ELK3: variants seen among roughly 807,000 people sequenced by gnomAD.
ELK3 encodes the protein ETS domain-containing protein Elk-3.
In ELK3, 10 loss-of-function variants were observed where a neutral mutation model predicts 28.9. The observed-to-expected ratio is 0.35, with a 90% CI of 0.21 to 0.59. The LOEUF is 0.59. Ranked by LOEUF, ELK3 falls within the 20% of genes least tolerant of loss-of-function variation. ELK3 has a pLI of 0.82. For synonymous variants in ELK3, 272 were observed against 243.5 expected (o/e 1.12, Z -1.09); for missense variants, 463 against 517.3 (o/e 0.90, Z 1.02).
chr12:96,247,720 T>G lies in ELK3; in HGVS notation c.988T>G (p.Phe330Val). 1.3e-6 allele frequency: 2 copies of G among 1,584,662 alleles called. No individual in the cohort carries two copies. Among genetic ancestry groups the G allele is most frequent in the Non-Finnish European group, 1.7e-6 (2 of 1,166,184 alleles). ...ALPSGSLTPAFFTAQTPNGLL... is the reference protein window; with the variant it reads ...ALPSGSLTPAVFTAQTPNGLL... ...CCCCTCGGGATCCCTCACCCCAGCC[T>G]TCTTCACCGCACAGGTAAGAGTCAT... is the stretch of plus-strand genomic sequence containing the variant. Residue 330 changes from phenylalanine to valine, a missense_variant, in exon 3 of 5, where the codon TTC becomes GTC. This residue lies in a region of ELK3 where 408 missense variants were observed against 414.8 expected (regional missense o/e 0.98). Coordinates refer to ENST00000228741, the MANE Select transcript of ELK3 (RefSeq NM_005230.4). This position sits in a 1 kb window ranked among gnomAD's most constrained non-coding sequence, Gnocchi z 5.5.
At chr12:96,224,521 T>G (rs1951686448) in intron 2 of ELK3, among the ~76,000 whole-genome samples, 1 of 152,252 alleles carries the variant, frequency 6.6e-6, no homozygotes, top group African/African-American at 2.4e-5. Flanking sequence ...CTTCCCTAAT[T>G]GGAAGAAAAA....
chr12:96,261,765 C>T (rs1203577613), intron 4 of ELK3, among the ~76,000 whole-genome samples: 2 of 152,106 alleles, frequency 1.3e-5, no homozygotes, highest in African/African-American at 4.8e-5. Context: ...TCTTAGATAC[C>T]TTTTCCAGCC....
intron 3 of ELK3, among the ~76,000 whole-genome samples, chr12:96,258,149 A>G (rs1006699142): frequency 6.6e-6 from 1 of 152,210 alleles, no homozygotes; most frequent in Non-Finnish European, 1.5e-5. Flanking sequence ...GCTGGGAAGT[A>G]GTGGTTCTGA....
chr12:96,218,002 C>CTTAA (rs1275810109), intron 1 of ELK3, among the ~76,000 whole-genome samples: 1 of 152,010 alleles, frequency 6.6e-6, no homozygotes, highest in African/African-American at 2.4e-5. Flanking sequence ...CCTCCTCCTC[C>CTTAA]TTTAAAGGAG....
Position 96,247,020 on chromosome 12 carries a change from C to A in ELK3, c.288C>A (p.His96Gln). The stretch of plus-strand genomic sequence containing the variant: ...CGGAGATCCTGAAGATGGATCCTCA[C>A]GCGGTGGAGATCAGCCGGGAGAGCC... ...SFPEILKMDP[H>Q]AVEISRESLL... The change falls in exon 3 of 5, where the codon CAC (histidine) becomes CAA (glutamine). Residue 96 changes from histidine (H) to glutamine (Q), a missense_variant. Physicochemically the swap from His to Gln is conservative, Grantham distance 24. Coordinates refer to ENST00000228741, the MANE Select transcript of ELK3 (RefSeq NM_005230.4). The surrounding 1 kb of genome is among the most constrained non-coding windows in gnomAD (Gnocchi z 5.5). 1.2e-6 allele frequency: 2 copies of A among 1,614,204 alleles called. No homozygotes were observed. The highest frequency in any genetic ancestry group is 8.5e-7 in the Non-Finnish European group (1 of 1,180,022).
chr12:96,231,214 G>GT lies in ELK3; in HGVS notation c.207+7450dup, dbSNP rs3216591. 2.6e-3 allele frequency among the ~76,000 whole-genome samples: 391 copies of GT among 151,948 alleles called. 9 individuals carry two copies. The highest frequency in any genetic ancestry group is 0.024 in the Admixed American group (359 of 15,258). ...TCTGATGGTGTGAATTTTTGGATAA[G>GT]TTTTTTTTTCCTTAGGTTTAAACTG... On this transcript the variant is annotated intron_variant, in intron 2 of 4. Coordinates refer to ENST00000228741, the MANE Select transcript of ELK3 (RefSeq NM_005230.4).
intron 2 of ELK3, among the ~76,000 whole-genome samples, chr12:96,235,923 G>A (rs1375886784): frequency 6.6e-6 from 1 of 152,164 alleles, no homozygotes; most frequent in African/African-American, 2.4e-5. Context: ...TACCTCCTGG[G>A]TTCGAGCGAT....
At chr12:96,220,670 G>T in intron 1 of ELK3, among the ~76,000 whole-genome samples, 1 of 152,120 alleles carries the variant, frequency 6.6e-6, no homozygotes, top group South Asian at 2.1e-4. Context: ...GGGATTACAG[G>T]CGTGAGCCAC....
intron 2 of ELK3, among the ~76,000 whole-genome samples, chr12:96,234,141 T>C (rs1951763088): frequency 6.6e-6 from 1 of 152,178 alleles, no homozygotes; most frequent in Admixed American, 6.5e-5. Context: ...AGCAGGGGGC[T>C]GCGTGTTGAC....
intron 1 of ELK3, among the ~76,000 whole-genome samples, chr12:96,200,664 A>AT (rs573008425): frequency 8.7e-5 from 13 of 148,794 alleles, no homozygotes; most frequent in South Asian, 6.4e-4. Context: ...CACCTGGCTA[A>AT]TTTTTTTTTT....
chr12:96,217,671 C>T (rs1051045015), intron 1 of ELK3, among the ~76,000 whole-genome samples: 9 of 152,170 alleles, frequency 5.9e-5, no homozygotes, highest in Non-Finnish European at 1.3e-4. Flanking sequence ...CACAGTGGCT[C>T]ACACCTGTAA....
At chr12:96,253,370 C>T (rs1274270410) in intron 3 of ELK3, among the ~76,000 whole-genome samples, 1 of 152,248 alleles carries the variant, frequency 6.6e-6, no homozygotes, top group Non-Finnish European at 1.5e-5. Context: ...GACTCTGCCT[C>T]CTTGTCCCTG....
chr12:96,243,714 G>A (rs1213376201), intron 2 of ELK3, among the ~76,000 whole-genome samples: 1 of 152,066 alleles, frequency 6.6e-6, no homozygotes, highest in East Asian at 1.9e-4. Flanking sequence ...CATGGTGGCG[G>A]GCGCCTGTAG....
chr12:96,217,216 A>C (rs1248021978), intron 1 of ELK3, among the ~76,000 whole-genome samples: 2 of 152,220 alleles, frequency 1.3e-5, no homozygotes, highest in East Asian at 3.9e-4. Flanking sequence ...GTGCCACTGC[A>C]CTCCAGCCTG....
chr12:96,255,697 G>T (rs1056895812), intron 3 of ELK3: 4 of 152,122 alleles, frequency 2.6e-5, no homozygotes, highest in Admixed American at 6.5e-5. Flanking sequence ...AGGTGGTCGG[G>T]GTACAGTTTG....
At chr12:96,254,679 G>C (rs1218229297) in intron 3 of ELK3, among the ~76,000 whole-genome samples, 1 of 152,036 alleles carries the variant, frequency 6.6e-6, no homozygotes. Flanking sequence ...ATAGTTAGGA[G>C]CTCATAACTT....
Position 96,215,391 on chromosome 12 carries a change from A to G in ELK3, c.-2-8174A>G, listed in dbSNP as rs1951605552. ...CCTTGTGGCCGACAGGAAGGAGGTC[A>G]GCTTCCAAGAAGAGGCCAGTAGCTT... On this transcript the variant is annotated intron_variant, in intron 1 of 4. Coordinates refer to ENST00000228741, the MANE Select transcript of ELK3 (RefSeq NM_005230.4). 2.0e-5 allele frequency among the ~76,000 whole-genome samples: 3 copies of G among 152,336 alleles called. No homozygotes were observed. In the South Asian group the frequency reaches 6.2e-4, roughly 32 times the overall value.
At chr12:96,197,895 T>C (rs1266270708) in intron 1 of ELK3, 1 of 152,250 alleles carries the variant, frequency 6.6e-6, no homozygotes, top group South Asian at 2.1e-4. Flanking sequence ...ACTTGAATCT[T>C]TTCCTGAAAT....
chr12:96,198,776 G>A (rs569946885), intron 1 of ELK3, among the ~76,000 whole-genome samples: 20 of 152,066 alleles, frequency 1.3e-4, no homozygotes, highest in Non-Finnish European at 2.2e-4. Context: ...TTAAAAAAAT[G>A]CATATGTGTG....
Sources: allele counts gnomAD v4.1 joint callset (sites outside exome capture counted in the v4.1 genomes callset), GRCh38; gene constraint gnomAD v4.1.1; regional missense constraint gnomAD v4.1.1; non-coding constraint Gnocchi (gnomAD v3.1); transcripts MANE v1.5; gene names NCBI Gene and HGNC (gene_info 2026-07-23, HGNC 2026-07-21).